Variants in GRIK2 observed in about 807,000 individuals in gnomAD.
The protein encoded by GRIK2 is glutamate ionotropic receptor kainate type subunit 2.
Under a neutral mutation model 100.3 loss-of-function variants are expected in GRIK2, and 32 were observed. The ratio of observed to expected loss-of-function variants is 0.32; its 90% CI spans 0.24 to 0.43. GRIK2 has a LOEUF of 0.43. Ranked by LOEUF, GRIK2 falls within the 20% of genes least tolerant of loss-of-function variation. The pLI is 1.00. For synonymous variants in GRIK2, 417 were observed against 389.4 expected (o/e 1.07, Z -0.83); for missense variants, 843 against 1,114.9 (o/e 0.76, Z 3.47).
chr6:101,924,945 T>G (rs187472444), intron 13 of GRIK2, among the ~76,000 whole-genome samples: 12 of 152,210 alleles, frequency 7.9e-5, no homozygotes, highest in African/African-American at 2.4e-4. Context: ...ACTCATCTAT[T>G]TTTTTCCTTA....
At chr6:101,432,173 C>T (rs1310907490) in intron 2 of GRIK2, among the ~76,000 whole-genome samples, 1 of 152,088 alleles carries the variant, frequency 6.6e-6, no homozygotes, top group African/African-American at 2.4e-5. Flanking sequence ...TCTCCTGGGG[C>T]TGCCTGCCTA....
At chr6:101,602,538 G>A (rs796763665) in intron 2 of GRIK2, among the ~76,000 whole-genome samples, 17 of 150,924 alleles carry the variant, frequency 1.1e-4, no homozygotes, top group African/African-American at 4.1e-4. Context: ...ATTATCAGAG[G>A]GAGAGAATGA....
At chr6:101,835,026 A>C (rs1782975335) in intron 10 of GRIK2, among the ~76,000 whole-genome samples, 1 of 151,034 alleles carries the variant, frequency 6.6e-6, no homozygotes, top group African/African-American at 2.4e-5. Context: ...ACTTACATAC[A>C]TACATAAAGT....
intron 14 of GRIK2, among the ~76,000 whole-genome samples, chr6:101,937,107 C>T (rs936193992): frequency 1.5e-4 from 23 of 152,172 alleles, no homozygotes; most frequent in Middle Eastern, 3.4e-3. Context: ...TATGTATTAA[C>T]GCAGCTTTGG....
intron 12 of GRIK2, chr6:101,891,448 T>C (rs9377320): frequency 0.39 from 121,286 of 312,384 alleles, 25,040 homozygotes; most frequent in South Asian, 0.44. Context: ...ACCTGGGAGG[T>C]GGAGGTTGCA....
intron 2 of GRIK2, among the ~76,000 whole-genome samples, chr6:101,517,331 T>C (rs1774636425): frequency 6.6e-6 from 1 of 152,082 alleles, no homozygotes; most frequent in African/African-American, 2.4e-5. Context: ...GTTTTCACAC[T>C]GAGAAAGGAG....
chr6:102,013,211 G>T (rs373595253), intron 14 of GRIK2, among the ~76,000 whole-genome samples: 1 of 152,184 alleles, frequency 6.6e-6, no homozygotes, highest in Non-Finnish European at 1.5e-5. Context: ...GAATGGGATT[G>T]CATTCCTAAT....
chr6:101,665,984 G>A (rs948973488), intron 4 of GRIK2, among the ~76,000 whole-genome samples: 18 of 152,198 alleles, frequency 1.2e-4, no homozygotes, highest in African/African-American at 2.2e-4. Context: ...AAATAGAGAC[G>A]TAGCATTATT....
At chr6:101,478,468 A>G (rs1402132643) in intron 2 of GRIK2, among the ~76,000 whole-genome samples, 1 of 150,816 alleles carries the variant, frequency 6.6e-6, no homozygotes, top group East Asian at 1.9e-4. Context: ...GTTACATTAT[A>G]TACAAAGGAA....
At chr6:101,550,759 GAT>G (rs1776474417) in intron 2 of GRIK2, among the ~76,000 whole-genome samples, 1 of 152,160 alleles carries the variant, frequency 6.6e-6, no homozygotes, top group African/African-American at 2.4e-5. Context: ...ACTGTAGCGC[GAT>G]GTGTTAATGT....
chr6:102,060,546 A>G (rs972096883), intron 16 of GRIK2, among the ~76,000 whole-genome samples: 5 of 150,986 alleles, frequency 3.3e-5, no homozygotes, highest in Middle Eastern at 3.4e-3. Flanking sequence ...TTAAAATTTT[A>G]AATAATTAGT....
intron 14 of GRIK2, among the ~76,000 whole-genome samples, chr6:101,944,559 A>G (rs999113542): frequency 2.6e-5 from 4 of 152,172 alleles, no homozygotes; most frequent in African/African-American, 9.7e-5. Context: ...GTCTATTCCT[A>G]CTCAAAGATG....
chr6:101,607,701 G>T (rs11970399), intron 2 of GRIK2, among the ~76,000 whole-genome samples: 1 of 151,730 alleles, frequency 6.6e-6, no homozygotes, highest in East Asian at 2.0e-4. Flanking sequence ...TGCTAGCAAG[G>T]CATATTTCAC....
At position 101,411,871 on chromosome 6, in the gene GRIK2, G is replaced by A. The variant is rs1333016737; in HGVS notation, c.115+12479G>A. 7.9e-5 allele frequency among the ~76,000 whole-genome samples: 12 copies of A among 152,140 alleles called. No homozygotes were observed. The South Asian group carries it at 2.5e-3, about 32-fold the overall frequency. ...TAAATAATGTCTAATATGATGTATG[G>A]TTGTGAGACTTTCCTCTCTCAATCT... is the stretch of plus-strand genomic sequence containing the variant. On this transcript the variant is annotated intron_variant, in intron 2 of 16. Transcript: ENST00000369134.
chr6:101,559,985 G>A (rs1306868346), intron 2 of GRIK2, among the ~76,000 whole-genome samples: 1 of 152,120 alleles, frequency 6.6e-6, no homozygotes, highest in Non-Finnish European at 1.5e-5. Context: ...AGGGTATATG[G>A]ACAAAGCACA....
chr6:101,625,240 G>A (rs1582847208), intron 3 of GRIK2, among the ~76,000 whole-genome samples: 2 of 151,982 alleles, frequency 1.3e-5, no homozygotes, highest in Admixed American at 1.3e-4. Flanking sequence ...AGGCTTGGTG[G>A]CATGTGCCTG....
chr6:101,897,257 A>G (rs546359737), intron 12 of GRIK2, among the ~76,000 whole-genome samples: 1 of 151,144 alleles, frequency 6.6e-6, no homozygotes, highest in African/African-American at 2.4e-5. Context: ...TTTTTTTTGG[A>G]CCAGAATAAA....
chr6:101,921,938 G>A (rs1256374153), intron 12 of GRIK2, among the ~76,000 whole-genome samples: 1 of 151,576 alleles, frequency 6.6e-6, no homozygotes, highest in East Asian at 1.9e-4. Context: ...GAGAATGTGA[G>A]GTAAAACATG....
At chr6:101,443,178 C>T (rs1770177818) in intron 2 of GRIK2, among the ~76,000 whole-genome samples, 3 of 152,012 alleles carry the variant, frequency 2.0e-5, no homozygotes, top group Admixed American at 2.0e-4. Context: ...ATAAGAGGCA[C>T]ATAGTTACTT....
Sources: allele counts gnomAD v4.1 joint callset (sites outside exome capture counted in the v4.1 genomes callset), GRCh38; gene constraint gnomAD v4.1.1; transcripts MANE v1.5; gene names NCBI Gene and HGNC (gene_info 2026-07-23, HGNC 2026-07-21).